Variants in CAST observed in about 807,000 individuals in gnomAD.
The protein encoded by CAST is MIR583 host.
CAST carries 76 observed loss-of-function variants against 119.6 expected under a neutral mutation model. That is an observed-to-expected ratio of 0.64 (90% CI 0.53 to 0.77). The LOEUF (loss-of-function observed/expected upper bound fraction) is 0.77. CAST is among the 30% of genes least tolerant of loss of function. CAST has a pLI of 0.00. For missense variants in CAST, 953 were observed against 946.5 expected (o/e 1.01, Z -0.09); for synonymous variants, 319 against 331.6 (o/e 0.96, Z 0.41).
the CAST span, among the ~76,000 whole-genome samples, chr5:96,014,639 A>G: frequency 6.6e-6 from 1 of 152,138 alleles, no homozygotes; most frequent in African/African-American, 2.4e-5. Flanking sequence ...TTTCAACTTC[A>G]TTATAATCTT....
the CAST span, among the ~76,000 whole-genome samples, chr5:96,285,276 C>T: frequency 3.3e-5 from 5 of 151,918 alleles, no homozygotes; most frequent in South Asian, 2.1e-4. Context: ...AGAAATAAAC[C>T]GATAAAGGTA....
Position 96,773,672 on chromosome 5 carries a change from A to G in CAST, c.*1056A>G, listed in dbSNP as rs1773249522. On this transcript the variant is annotated 3_prime_UTR_variant, in exon 32 of 32. Coordinates refer to ENST00000675179, the MANE Select transcript of CAST (RefSeq NM_001750.7). ...TGTAAGAAGTAGGCTCTGATGTCCT[A>G]CCACTTTGAATGGTTTTCTAATATC... The G allele has an allele frequency of 6.6e-6, 1 of 152,218 alleles. No homozygotes were observed. The highest frequency in any genetic ancestry group is 2.1e-4 in the South Asian group (1 of 4,834). The allele number at this position is 152,218 out of a possible 1,614,324, so 9.4% of individuals were successfully genotyped here. A position where few individuals can be genotyped will look rare whatever the true frequency, so the allele number is the denominator to read the frequency against.
At chr5:96,284,668 G>A in the CAST span, among the ~76,000 whole-genome samples, 53,631 of 151,948 alleles carry the variant, frequency 0.35, 10,108 homozygotes, top group African/African-American at 0.46. Context: ...ACATCTGTAT[G>A]CCATACTAAT....
At chr5:96,753,639 G>A (rs897469198) in intron 20 of CAST, among the ~76,000 whole-genome samples, 4 of 152,184 alleles carry the variant, frequency 2.6e-5, no homozygotes, top group Admixed American at 2.6e-4. Flanking sequence ...AGACAAGCCA[G>A]GCTGTCCCAC....
chr5:96,283,486 A>G, the CAST span, among the ~76,000 whole-genome samples: 2 of 152,350 alleles, frequency 1.3e-5, no homozygotes, highest in Non-Finnish European at 1.5e-5. Flanking sequence ...AGACTCTTTC[A>G]CAAGACGGAT....
chr5:96,501,793 T>C, the CAST span, among the ~76,000 whole-genome samples: 1 of 152,250 alleles, frequency 6.6e-6, no homozygotes, highest in South Asian at 2.1e-4. Flanking sequence ...AGACCACATA[T>C]ACAACGGTGA....
the CAST span, among the ~76,000 whole-genome samples, chr5:96,510,688 C>G: frequency 6.6e-6 from 1 of 152,184 alleles, no homozygotes; most frequent in Non-Finnish European, 1.5e-5. Flanking sequence ...TTAGATAATT[C>G]TTGAAACAAT....
At chr5:96,636,886 C>T (rs17086439) in intron 1 of CAST, among the ~76,000 whole-genome samples, 23,699 of 146,296 alleles carry the variant, frequency 0.16, 2,882 homozygotes, top group African/African-American at 0.36. Flanking sequence ...CATCACATCA[C>T]TCGTGGGGAG....
At chr5:96,622,162 G>T (rs1416583771) in intron 1 of CAST, among the ~76,000 whole-genome samples, 1 of 151,646 alleles carries the variant, frequency 6.6e-6, no homozygotes, top group Non-Finnish European at 1.5e-5. Flanking sequence ...TAGAGACGGG[G>T]TTTCACCATG....
the CAST span, among the ~76,000 whole-genome samples, chr5:96,088,280 A>G: frequency 6.6e-6 from 1 of 152,260 alleles, no homozygotes; most frequent in East Asian, 1.9e-4. Context: ...CCGGAGACAA[A>G]TTACCCCTCA....
chr5:96,581,498 T>C (rs1331845306), intron 1 of CAST, among the ~76,000 whole-genome samples: 2 of 152,242 alleles, frequency 1.3e-5, no homozygotes, highest in African/African-American at 4.8e-5. Context: ...TGCACACATA[T>C]ACTTTGGTTT....
the CAST span, among the ~76,000 whole-genome samples, chr5:96,402,319 C>T: frequency 6.6e-6 from 1 of 152,316 alleles, no homozygotes; most frequent in South Asian, 2.1e-4. Context: ...GTTTGTGGCT[C>T]GCAGCCTCTG....
At chr5:96,350,806 A>C in the CAST span, among the ~76,000 whole-genome samples, 1 of 152,152 alleles carries the variant, frequency 6.6e-6, no homozygotes, top group Non-Finnish European at 1.5e-5. Context: ...ATTTCCTGAC[A>C]TCCATAACAC....
At chr5:96,236,299 G>A in the CAST span, among the ~76,000 whole-genome samples, 5 of 152,294 alleles carry the variant, frequency 3.3e-5, no homozygotes, top group East Asian at 9.6e-4. Context: ...AAAAATGGCT[G>A]TCTTTGCCAA....
chr5:96,010,714 A>G, the CAST span, among the ~76,000 whole-genome samples: 1 of 152,216 alleles, frequency 6.6e-6, no homozygotes, highest in African/African-American at 2.4e-5. Flanking sequence ...TTTAAACAAT[A>G]TTGATTCTTC....
chr5:96,612,331 C>T (rs1408143158), intron 1 of CAST, among the ~76,000 whole-genome samples: 1 of 152,092 alleles, frequency 6.6e-6, no homozygotes, highest in African/African-American at 2.4e-5. Flanking sequence ...AACACAGAAA[C>T]AGAAAGTCAA....
chr5:96,742,599 T>G, intron 15 of CAST, 56 bp from the exon 16 acceptor site: 1 of 1,088,560 alleles, frequency 9.2e-7, no homozygotes, highest in Non-Finnish European at 1.4e-6. Flanking sequence ...AGTAAATGGA[T>G]TGTTCGGGCT....
the CAST span, among the ~76,000 whole-genome samples, chr5:96,501,669 C>A: frequency 6.6e-6 from 1 of 152,186 alleles, no homozygotes; most frequent in African/African-American, 2.4e-5. Flanking sequence ...ATGAACCCAT[C>A]ACTCAATTTA....
intron 24 of CAST, among the ~76,000 whole-genome samples, chr5:96,759,553 TAA>T (rs1215395506): frequency 6.6e-6 from 1 of 152,066 alleles, no homozygotes; most frequent in Non-Finnish European, 1.5e-5. Flanking sequence ...CTGAAATTTC[TAA>T]AAGTTTTAAT....
Sources: allele counts gnomAD v4.1 joint callset (sites outside exome capture counted in the v4.1 genomes callset), GRCh38; gene constraint gnomAD v4.1.1; transcripts MANE v1.5; gene names NCBI Gene and HGNC (gene_info 2026-07-23, HGNC 2026-07-21).